The following WDR62 variants were observed in gnomAD, a reference collection of about 807,000 sequenced individuals.
WDR62 encodes the protein WD repeat-containing protein 62.
A neutral mutation model predicts 160.6 loss-of-function variants in WDR62; 112 were observed. The observed-to-expected ratio is 0.70, with a 90% confidence interval of 0.60 to 0.82. The LOEUF (loss-of-function observed/expected upper bound fraction) is 0.82. Among genes scored for constraint, WDR62 ranks in the 40% least tolerant of loss-of-function variants. WDR62 has a pLI of 0.00. For missense variants in WDR62, 1,819 were observed against 1,983.8 expected, an observed-to-expected ratio of 0.92 and a Z score of 1.58; for synonymous variants, 792 against 815.1, an observed-to-expected ratio of 0.97 and a Z score of 0.48.
Position 36,091,998 on chromosome 19 carries a change from G to A in WDR62, c.2210+533G>A, listed in dbSNP as rs532704784. Reference sequence around the variant, plus strand: ...TTGCTCCCCTGTAAAAGACACCACCGTTTACATTTACCTTAAAAATGGTGT... The same window carrying A: ...TTGCTCCCCTGTAAAAGACACCACCATTTACATTTACCTTAAAAATGGTGT... On this transcript the variant is annotated intron_variant, in intron 18 of 31. Transcript: ENST00000401500. 7.9e-5 allele frequency among the ~76,000 whole-genome samples: 12 copies of A among 151,920 alleles called. No individual in the cohort carries two copies. In the East Asian group the frequency reaches 1.4e-3, roughly 17 times the overall value.
Position 36,104,857 on chromosome 19 carries a change from G to C in WDR62, c.4401G>C (p.Glu1467Asp). 6.2e-7 allele frequency: 1 copy of C among 1,613,326 alleles called. No individual in the cohort carries two copies. The highest frequency in any genetic ancestry group is 1.3e-5 in the African/African-American group (1 of 75,052). Reference sequence around the variant, plus strand: ...TCCTGTGGATCCACAGCCAGCTGGAGGCTGAATGCCTGGTGGGGACTAGTG... The same window carrying C: ...TCCTGTGGATCCACAGCCAGCTGGACGCTGAATGCCTGGTGGGGACTAGTG... ...STFLWIHSQLEAECLVGTSVA... is the reference protein window; with the variant it reads ...STFLWIHSQLDAECLVGTSVA... The change falls in exon 32 of 32, where the codon GAG becomes GAC. Residue 1467 changes from glutamate to aspartate, a missense_variant. Coordinates refer to ENST00000401500, the MANE Select transcript of WDR62 (RefSeq NM_001083961.2).
At chr19:36,086,920 T>A in intron 13 of WDR62, 108 bp downstream of exon 13, 1 of 1,435,548 alleles carries the variant, frequency 7.0e-7, no homozygotes, top group Non-Finnish European at 9.4e-7. Flanking sequence ...GTGAATACAG[T>A]ATCTGTGTAC....
intron 13 of WDR62, 117 bp from the exon 14 acceptor site, chr19:36,088,921 T>C: frequency 8.4e-7 from 1 of 1,187,200 alleles, no homozygotes; most frequent in Non-Finnish European, 1.2e-6. Context: ...TCACCACCTT[T>C]AGGAAGCCTT....
intron 21 of WDR62, 152 bp downstream of exon 21, chr19:36,097,231 A>G (rs766657797): frequency 8.7e-5 from 66 of 756,470 alleles, no homozygotes; most frequent in South Asian, 2.6e-4. Flanking sequence ...CCCTTTGTTC[A>G]TGATCAGTGC....
chr19:36,072,503 A>G (rs1165240184), intron 8 of WDR62, among the ~76,000 whole-genome samples: 1 of 152,138 alleles, frequency 6.6e-6, no homozygotes, highest in Non-Finnish European at 1.5e-5. Context: ...TGCTGTGTCG[A>G]GAGTGGATAG....
intron 1 of WDR62, among the ~76,000 whole-genome samples, chr19:36,057,809 C>T (rs992205154): frequency 6.6e-6 from 1 of 152,142 alleles, no homozygotes; most frequent in Non-Finnish European, 1.5e-5. Context: ...GTTTTTTACT[C>T]GTTGAAACCG....
rs755228421 is a variant in WDR62 at position 36,103,037 on chromosome 19, G to A, written c.3425G>A (p.Arg1142Lys). Reference sequence around the variant, plus strand: ...ATGGACCGAGGCGGAAGCCAGCCCAGAGCAGGTACTGGCTACGCCTCCCCA... The same window carrying A: ...ATGGACCGAGGCGGAAGCCAGCCCAAAGCAGGTACTGGCTACGCCTCCCCA... ...KLMDRGGSQP[R>K]AGTGYASPDR... The change falls in exon 28 of 32, where the codon AGA (arginine) becomes AAA (lysine). Residue 1142 changes from arginine (R) to lysine (K), a missense_variant. Transcript: ENST00000401500. The A allele has an allele frequency of 3.1e-6, 5 of 1,614,136 alleles. No individual in the cohort carries two copies. The Admixed American group carries it at 5.0e-5, about 16-fold the overall frequency.
At position 36,073,445 on chromosome 19, in the gene WDR62, A is replaced by G. The variant is rs752810498; in HGVS notation, c.1147A>G (p.Ile383Val). The G allele has an allele frequency of 1.9e-6, 3 of 1,613,972 alleles. No homozygotes were observed. Among genetic ancestry groups the G allele is most frequent in the East Asian group, 2.2e-5 (1 of 44,880 alleles). ...WLSCVYKDHS[I>V]YIWDVKDINR... ...GTCCTGCGTGTATAAGGACCACAGC[A>G]TCTACATCTGGGATGTCAAGGACAT... The change falls in exon 9 of 32, where the codon ATC becomes GTC. Residue 383 changes from isoleucine to valine, a missense_variant. By Grantham distance (29) the Ile-to-Val change is conservative. This residue lies in a region of WDR62 where 934 missense variants were observed against 1,157.2 expected (regional missense o/e 0.81). Coordinates refer to ENST00000401500, the MANE Select transcript of WDR62 (RefSeq NM_001083961.2).
rs1055427948 is a variant in WDR62 at position 36,104,998 on chromosome 19, G to A, written c.4542G>A (p.Gln1514=). The change falls in exon 32 of 32, where the codon CAG becomes CAA. Residue 1514 remains glutamine (Q), a synonymous_variant. Transcript: ENST00000401500. ...AACACTACTCGGAGCTGCTGGTGCA[G>A]GCCGTGCGGAGGAAGGCACGGGGGC... ...LLEHYSELLV[Q]AVRRKARGH The A allele has an allele frequency of 4.4e-6, 7 of 1,601,912 alleles. No individual in the cohort carries two copies. In the African/African-American group the frequency reaches 6.7e-5, roughly 15 times the overall value.
At chr19:36,109,136 G>A (rs1043297854), downstream of WDR62, among the ~76,000 whole-genome samples, 2 of 152,064 alleles carry the variant, frequency 1.3e-5, no homozygotes, top group Non-Finnish European at 2.9e-5. Flanking sequence ...ACTGACTCTC[G>A]GGCAATGTAA....
intron 1 of WDR62, among the ~76,000 whole-genome samples, chr19:36,057,485 C>A (rs974005797): frequency 8.6e-5 from 13 of 151,184 alleles, no homozygotes; most frequent in African/African-American, 2.9e-4. Flanking sequence ...GGATGGGTAA[C>A]CCCTCTTGGC....
At chr19:36,078,761 G>A (rs561716365) in intron 9 of WDR62, among the ~76,000 whole-genome samples, 5 of 150,866 alleles carry the variant, frequency 3.3e-5, no homozygotes, top group East Asian at 4.0e-4. Flanking sequence ...GCTTGAACCC[G>A]GGAGGCAGAG....
At chr19:36,072,960 C>T (rs1446060079) in intron 8 of WDR62, among the ~76,000 whole-genome samples, 1 of 152,176 alleles carries the variant, frequency 6.6e-6, no homozygotes, top group Non-Finnish European at 1.5e-5. Flanking sequence ...TCCCCAGCCT[C>T]CTTAGGACAC....
At position 36,103,018 on chromosome 19, in the gene WDR62, C is replaced by T. The variant is rs587784556; in HGVS notation, c.3406C>T (p.Arg1136Ter). The T allele has an allele frequency of 5.6e-6, 9 of 1,613,990 alleles. No individual in the cohort carries two copies. The African/African-American group carries it at 9.3e-5, about 17-fold the overall frequency. The stretch of plus-strand genomic sequence containing the variant: ...GTCTCCAGAGGTCAAGCTCATGGAC[C>T]GAGGCGGAAGCCAGCCCAGAGCAGG... ...VKSPEVKLMD[R>*]GGSQPRAGTG... The change falls in exon 28 of 32, where the codon CGA (arginine) becomes TGA (stop). Residue 1136 changes from arginine (R) to a stop codon, truncating the protein, a stop_gained. Coordinates refer to ENST00000401500, the MANE Select transcript of WDR62 (RefSeq NM_001083961.2). LOFTEE classifies it high-confidence loss of function.
At chr19:36,055,400 A>G (rs556793304) in intron 1 of WDR62, among the ~76,000 whole-genome samples, 1 of 151,972 alleles carries the variant, frequency 6.6e-6, no homozygotes, top group African/African-American at 2.4e-5. Context: ...GTGGAAATGC[A>G]TTTTGCTTCT....
In WDR62 at chr19:36,084,704, T is replaced by C; in HGVS notation, c.1602T>C (p.Asp534=). 6.2e-7 allele frequency: 1 copy of C among 1,613,790 alleles called. No individual in the cohort carries two copies. The change falls in exon 12 of 32, where the codon GAT becomes GAC. Residue 534 remains aspartate (D), a synonymous_variant. Coordinates refer to ENST00000401500, the MANE Select transcript of WDR62 (RefSeq NM_001083961.2). ...MDELVKVEAH[D]AEVLCLEYSK... ...AGCTGGTCAAGGTGGAGGCCCATGA[T>C]GCTGAGGTGCTGTGCCTGGAGTACT...
intron 9 of WDR62, among the ~76,000 whole-genome samples, chr19:36,080,020 T>G (rs1971798841): frequency 6.6e-6 from 1 of 152,202 alleles, no homozygotes; most frequent in Non-Finnish European, 1.5e-5. Context: ...CTTCTCAGCT[T>G]CATTCTAAAT....
At chr19:36,093,952 G>A in intron 19 of WDR62, 79 bp from the exon 20 acceptor site, 1 of 1,575,566 alleles carries the variant, frequency 6.3e-7, no homozygotes, top group Non-Finnish European at 8.7e-7. Flanking sequence ...GCTTAGCACA[G>A]GGCCCAGCCC....
rs1269700889 is a variant in WDR62, at chr19:36,083,172, G to A, written c.1481G>A (p.Gly494Glu). ...ENGTPMDVKA[G>E]VRVMQVSPDG... ...GGGACACCCATGGACGTGAAAGCCG[G>A]GGTGCGGGTCATGCAGGTCAGTCCT... is the stretch of plus-strand genomic sequence containing the variant. The change falls in exon 11 of 32, where the codon GGG becomes GAG. Residue 494 changes from glycine to glutamate, a missense_variant. By Grantham distance (98) the Gly-to-Glu change is moderately conservative (BLOSUM62 -2). Transcript: ENST00000401500. 1.2e-6 allele frequency: 2 copies of A among 1,612,504 alleles called. No homozygotes were observed. Among genetic ancestry groups the A allele is most frequent in the South Asian group, 1.1e-5 (1 of 90,692 alleles).
Sources: gnomAD v4.1 joint callset for allele counts (sites outside exome capture counted in the v4.1 genomes callset) on GRCh38, gnomAD v4.1.1 for gene constraint, gnomAD v4.1.1 regional missense constraint, MANE v1.5 for transcripts, NCBI Gene and HGNC (gene_info 2026-07-23, HGNC 2026-07-21) for gene names.